Variants in DPH6 observed in about 807,000 individuals in gnomAD.
DPH6 encodes diphthine--ammonia ligase.
A neutral mutation model predicts 38.2 loss-of-function variants in DPH6; 33 were observed. The ratio of observed to expected loss-of-function variants is 0.86; its 90% confidence interval spans 0.65 to 1.15. The LOEUF (loss-of-function observed/expected upper bound fraction) is 1.15. Among genes scored for constraint, DPH6 ranks in the 50% most tolerant of loss-of-function variants. The pLI is 0.00. For synonymous variants in DPH6, 108 were observed against 103.0 expected (o/e 1.05, Z -0.30); for missense variants, 325 against 320.0 (o/e 1.02, Z -0.12).
chr15:35,377,328 C>G (rs2052795149), intron 7 of DPH6, among the ~76,000 whole-genome samples: 1 of 151,924 alleles, frequency 6.6e-6, no homozygotes, highest in African/African-American at 2.4e-5. Context: ...TCCACCCATC[C>G]ATCCATCCAT....
chr15:35,414,030 G>T (rs1333983106), intron 5 of DPH6, among the ~76,000 whole-genome samples: 1 of 151,386 alleles, frequency 6.6e-6, no homozygotes, highest in African/African-American at 2.4e-5. Flanking sequence ...TTTTAACTAG[G>T]CACTAAACAG....
At chr15:35,400,553 CTGTTTCTG>C in intron 6 of DPH6, 1 of 303,144 alleles carries the variant, frequency 3.3e-6, no homozygotes. Flanking sequence ...ACATGGAAGG[CTGTTTCTG>C]TGTCAAACAC....
chr15:35,502,823 T>G (rs1023714662), intron 3 of DPH6, among the ~76,000 whole-genome samples: 1 of 150,698 alleles, frequency 6.6e-6, no homozygotes, highest in Non-Finnish European at 1.5e-5. Context: ...TACTTCTACT[T>G]AGCACAATTA....
At chr15:35,405,274 G>A (rs759682685) in intron 6 of DPH6, among the ~76,000 whole-genome samples, 10 of 151,934 alleles carry the variant, frequency 6.6e-5, no homozygotes, top group Admixed American at 1.3e-4. Flanking sequence ...GATAGAAATT[G>A]CAGTGAATCT....
intron 3 of DPH6, among the ~76,000 whole-genome samples, chr15:35,342,178 T>A (rs1423691947): frequency 6.6e-6 from 1 of 152,138 alleles, no homozygotes; most frequent in Non-Finnish European, 1.5e-5. Flanking sequence ...TATGGATGGA[T>A]CTCTTGCTTT....
chr15:35,409,524 T>C (rs762431477), intron 6 of DPH6, among the ~76,000 whole-genome samples: 6 of 152,112 alleles, frequency 3.9e-5, no homozygotes, highest in Non-Finnish European at 8.8e-5. Flanking sequence ...CTACAAAGAA[T>C]AGCAACACAC....
intron 3 of DPH6, among the ~76,000 whole-genome samples, chr15:35,517,989 T>C (rs2054870548): frequency 6.6e-6 from 1 of 152,116 alleles, no homozygotes; most frequent in Non-Finnish European, 1.5e-5. Context: ...TTTGTTTTAA[T>C]TGGTTCACAG....
chr15:35,166,211 C>T, the DPH6 span, among the ~76,000 whole-genome samples: 1 of 151,900 alleles, frequency 6.6e-6, no homozygotes, highest in Admixed American at 6.6e-5. Flanking sequence ...AGGAAAGGAG[C>T]ATTCTTACCT....
At chr15:35,462,234 C>A (rs1393051162) in intron 3 of DPH6, among the ~76,000 whole-genome samples, 1 of 152,078 alleles carries the variant, frequency 6.6e-6, no homozygotes, top group Non-Finnish European at 1.5e-5. Context: ...CCTAACTGGC[C>A]TCCCTAAGTC....
At chr15:35,444,382 C>A (rs957861648) in intron 5 of DPH6, among the ~76,000 whole-genome samples, 1 of 152,100 alleles carries the variant, frequency 6.6e-6, no homozygotes. Context: ...TGTGATACTT[C>A]GGCCATTGGA....
chr15:35,299,067 G>A, intron 3 of DPH6: 1 of 750,200 alleles, frequency 1.3e-6, no homozygotes, highest in Non-Finnish European at 2.3e-6. Flanking sequence ...TATTTCTTCT[G>A]TCTTTCCAGC....
At chr15:35,302,238 C>T (rs1859707740) in intron 3 of DPH6, among the ~76,000 whole-genome samples, 1 of 152,110 alleles carries the variant, frequency 6.6e-6, no homozygotes, top group African/African-American at 2.4e-5. Flanking sequence ...CATTTTCAAA[C>T]TATGCTGTAT....
At chr15:35,333,443 T>A (rs2052343134) in intron 3 of DPH6, among the ~76,000 whole-genome samples, 2 of 152,164 alleles carry the variant, frequency 1.3e-5, no homozygotes, top group South Asian at 4.1e-4. Flanking sequence ...AATACTCCAG[T>A]AGGAAAAAGG....
At chr15:35,504,222 G>T (rs1239943825) in intron 3 of DPH6, among the ~76,000 whole-genome samples, 1 of 151,724 alleles carries the variant, frequency 6.6e-6, no homozygotes, top group Non-Finnish European at 1.5e-5. Flanking sequence ...GGCACACAAG[G>T]CTCTTCACAA....
chr15:35,255,733 C>T (rs905772154), intron 3 of DPH6, among the ~76,000 whole-genome samples: 1 of 152,036 alleles, frequency 6.6e-6, no homozygotes, highest in African/African-American at 2.4e-5. Context: ...TTTGACTTTG[C>T]AAATGACTGC....
intron 3 of DPH6, among the ~76,000 whole-genome samples, chr15:35,337,469 T>C (rs781616041): frequency 1.3e-5 from 2 of 152,148 alleles, no homozygotes; most frequent in Non-Finnish European, 2.9e-5. Flanking sequence ...GAATCCAACT[T>C]ACAAGGGACG....
chr15:35,233,487 T>C (rs2051532398), intron 3 of DPH6, among the ~76,000 whole-genome samples: 1 of 152,168 alleles, frequency 6.6e-6, no homozygotes, highest in Non-Finnish European at 1.5e-5. Context: ...AAAATTAAGG[T>C]ACACTGTTAC....
At chr15:35,179,222 A>G in the DPH6 span, among the ~76,000 whole-genome samples, 24 of 151,304 alleles carry the variant, frequency 1.6e-4, no homozygotes, top group Non-Finnish European at 2.4e-4. Context: ...AAAAAAAAAA[A>G]AAAAAGAAAA....
the DPH6 span, among the ~76,000 whole-genome samples, chr15:35,146,651 C>A: frequency 6.6e-6 from 1 of 152,014 alleles, no homozygotes; most frequent in Non-Finnish European, 1.5e-5. Context: ...TGTTGATCTG[C>A]CGTATTGCAG....
Sources: gnomAD v4.1 joint callset for allele counts (sites outside exome capture counted in the v4.1 genomes callset) on GRCh38, gnomAD v4.1.1 for gene constraint, MANE v1.5 for transcripts, NCBI Gene and HGNC (gene_info 2026-07-23, HGNC 2026-07-21) for gene names.